KAZN: variants seen among roughly 807,000 people sequenced by gnomAD.
KAZN encodes the protein kazrin, periplakin interacting protein.
Under a neutral mutation model 87.4 loss-of-function variants are expected in KAZN, and 40 were observed. The ratio of observed to expected loss-of-function variants is 0.46; its 90% CI spans 0.36 to 0.60. The LOEUF (loss-of-function observed/expected upper bound fraction) is 0.60. Ranked by LOEUF, KAZN falls within the 20% of genes least tolerant of loss-of-function variation. KAZN has a pLI of 0.00. For synonymous variants in KAZN, 466 were observed against 458.3 expected, an observed-to-expected ratio of 1.02 and a Z score of -0.22; for missense variants, 898 against 1,073.9, an observed-to-expected ratio of 0.84 and a Z score of 2.29.
chr1:14,507,032 A>G (rs1367992088), intron 2 of KAZN, among the ~76,000 whole-genome samples: 2 of 152,204 alleles, frequency 1.3e-5, no homozygotes, highest in Non-Finnish European at 2.9e-5. Context: ...ATCCCTTCCA[A>G]ACATAGATTT....
chr1:14,915,483 G>A (rs1657707313), intron 1 of KAZN, among the ~76,000 whole-genome samples: 1 of 152,154 alleles, frequency 6.6e-6, no homozygotes, highest in African/African-American at 2.4e-5. Flanking sequence ...ATAGTGTCAC[G>A]ATTCCCAGAG....
chr1:14,522,904 C>T (rs1671660754), intron 2 of KAZN, among the ~76,000 whole-genome samples: 1 of 152,124 alleles, frequency 6.6e-6, no homozygotes, highest in Non-Finnish European at 1.5e-5. Flanking sequence ...GAAATTCCAC[C>T]TCATTGATTC....
At chr1:14,893,651 T>C (rs1239835037) in intron 1 of KAZN, among the ~76,000 whole-genome samples, 6 of 152,186 alleles carry the variant, frequency 3.9e-5, no homozygotes, top group South Asian at 4.1e-4. Flanking sequence ...CTGACCATAT[T>C]GTGTCTGGAG....
chr1:14,244,603 A>G (rs759174574), intron 2 of KAZN, among the ~76,000 whole-genome samples: 1 of 151,966 alleles, frequency 6.6e-6, no homozygotes, highest in East Asian at 1.9e-4. Context: ...GCTTGGGGGA[A>G]ATGAAAGCTG....
intron 1 of KAZN, among the ~76,000 whole-genome samples, chr1:13,978,991 G>C (rs1243378477): frequency 2.0e-5 from 3 of 152,096 alleles, no homozygotes; most frequent in Admixed American, 2.0e-4. Flanking sequence ...AACTACTTGG[G>C]AGGCTGAGGT....
chr1:14,309,027 A>C (rs1464366522), intron 2 of KAZN, among the ~76,000 whole-genome samples: 2 of 152,198 alleles, frequency 1.3e-5, no homozygotes, highest in Non-Finnish European at 2.9e-5. Flanking sequence ...AAATGTGTGG[A>C]GTCTCATTGC....
chr1:14,506,887 G>C (rs1670612281), intron 2 of KAZN, among the ~76,000 whole-genome samples: 1 of 152,196 alleles, frequency 6.6e-6, no homozygotes, highest in Admixed American at 6.5e-5. Context: ...AGTGGTCTCA[G>C]CTTTGCAAAG....
chr1:13,967,729 A>G lies in KAZN; in HGVS notation c.91+73973A>G, dbSNP rs1001658410. Among the ~76,000 whole-genome samples the G allele has an allele frequency of 1.4e-4, 22 of 152,072 alleles. 1 individual carries two copies. The highest frequency in any genetic ancestry group is 1.2e-3 in the Admixed American group (19 of 15,260). ...GGGGCAGGGGAGTGAAATGTGGCTC[A>G]CCCAGCCCGCCAAGCCTTAAGATCC... On this transcript the variant is annotated intron_variant, in intron 1 of 16. Transcript: ENST00000636203.
intron 3 of KAZN, among the ~76,000 whole-genome samples, chr1:15,040,857 G>C (rs560630662): frequency 3.3e-5 from 5 of 152,032 alleles, no homozygotes; most frequent in African/African-American, 1.2e-4. Context: ...TGTGCCAAAT[G>C]CACTTTCCCT....
At chr1:14,149,476 G>A (rs961221111) in intron 1 of KAZN, among the ~76,000 whole-genome samples, 7 of 152,104 alleles carry the variant, frequency 4.6e-5, no homozygotes, top group African/African-American at 7.2e-5. Context: ...ATCTTGCCCA[G>A]TCCCAAGTCT....
intron 2 of KAZN, among the ~76,000 whole-genome samples, chr1:15,008,947 G>A (rs1274354337): frequency 3.3e-5 from 5 of 152,226 alleles, no homozygotes; most frequent in Admixed American, 1.3e-4. Context: ...TGGACAATCA[G>A]GCAGGAAATT....
chr1:14,551,599 G>A (rs1008140783), intron 2 of KAZN, among the ~76,000 whole-genome samples: 6 of 152,114 alleles, frequency 3.9e-5, no homozygotes, highest in East Asian at 3.9e-4. Flanking sequence ...CCACGTGTTC[G>A]TTCCTTTCTA....
chr1:15,060,625 C>A (rs1638714012), intron 6 of KAZN: 2 of 337,960 alleles, frequency 5.9e-6, no homozygotes, highest in Non-Finnish European at 1.1e-5. Context: ...CCACACATTA[C>A]CTTCCAGAGC....
chr1:14,913,990 G>A (rs1231628773), intron 1 of KAZN, among the ~76,000 whole-genome samples: 4 of 152,188 alleles, frequency 2.6e-5, no homozygotes, highest in Non-Finnish European at 4.4e-5. Flanking sequence ...CACTGAAAAC[G>A]CGACCTTGCC....
chr1:13,926,750 A>AT (rs1557725300), intron 1 of KAZN, among the ~76,000 whole-genome samples: 1 of 152,114 alleles, frequency 6.6e-6, no homozygotes, highest in Non-Finnish European at 1.5e-5. Flanking sequence ...AGGTGACAAA[A>AT]TGCTGGCTGG....
intron 1 of KAZN, among the ~76,000 whole-genome samples, chr1:14,865,464 C>G (rs1253632941): frequency 6.6e-6 from 1 of 152,178 alleles, no homozygotes; most frequent in Non-Finnish European, 1.5e-5. Flanking sequence ...GGTCTCCCTC[C>G]TCCCCCATGT....
Position 14,239,315 on chromosome 1 carries a change from T to A in KAZN, c.249+58723T>A, listed in dbSNP as rs886375220. On this transcript the variant is annotated intron_variant, in intron 2 of 16. Coordinates refer to the KAZN transcript ENST00000636203. The stretch of plus-strand genomic sequence containing the variant: ...AAGTTTTTTAAGAGGCTGGTTTACG[T>A]GGCATCATTTTCTCTGCATTATTGC... Among the ~76,000 whole-genome samples, 4 of 152,290 alleles carry A rather than the reference T, an allele frequency of 2.6e-5. No homozygotes were observed. In the East Asian group the frequency reaches 7.7e-4, roughly 29 times the overall value.
At chr1:14,331,415 A>T (rs1444759938) in intron 2 of KAZN, among the ~76,000 whole-genome samples, 2 of 152,184 alleles carry the variant, frequency 1.3e-5, no homozygotes, top group African/African-American at 4.8e-5. Flanking sequence ...AATTGACAGT[A>T]GTTTCTGAGA....
intron 2 of KAZN, among the ~76,000 whole-genome samples, chr1:14,395,685 T>C (rs1557688306): frequency 6.6e-6 from 1 of 152,186 alleles, no homozygotes; most frequent in Admixed American, 6.5e-5. Flanking sequence ...TAGGGTATCC[T>C]TGATCCAGAA....
Sources: allele counts gnomAD v4.1 joint callset (sites outside exome capture counted in the v4.1 genomes callset), GRCh38; gene constraint gnomAD v4.1.1; transcripts MANE v1.5; gene names NCBI Gene and HGNC (gene_info 2026-07-23, HGNC 2026-07-21).